TTC23: variants seen among roughly 807,000 people sequenced by gnomAD.
TTC23 encodes tetratricopeptide repeat domain 23.
Under a neutral mutation model 55.1 loss-of-function variants are expected in TTC23, and 58 were observed. The ratio of observed to expected loss-of-function variants is 1.05; its 90% CI spans 0.85 to 1.31. TTC23 has a LOEUF of 1.31. TTC23 is among the 50% of genes most tolerant of loss of function. TTC23 has a pLI of 0.00. For missense variants in TTC23, 516 were observed against 534.4 expected, an observed-to-expected ratio of 0.97 and a Z score of 0.34; for synonymous variants, 203 against 199.9, an observed-to-expected ratio of 1.02 and a Z score of -0.13.
intron 8 of TTC23, among the ~76,000 whole-genome samples, chr15:99,202,084 CAA>C (rs1289501574): frequency 1.3e-5 from 2 of 152,160 alleles, no homozygotes; most frequent in Non-Finnish European, 1.5e-5. Flanking sequence ...TGAAATATGA[CAA>C]GAGTTCATTG....
chr15:99,151,972 A>G lies in TTC23; in HGVS notation c.1143+4176T>C, dbSNP rs536915953. Among the ~76,000 whole-genome samples, 5 of 152,256 alleles carry G rather than the reference A, an allele frequency of 3.3e-5. No individual in the cohort carries two copies. The East Asian group carries it at 7.7e-4, about 24-fold the overall frequency. On this transcript the variant is annotated intron_variant, in intron 12 of 13. Coordinates refer to ENST00000394132, the MANE Select transcript of TTC23 (RefSeq NM_001288615.3). ...ATAAAATACAGAGTACAGGTACCCA[A>G]GTGATATAGTTTGTATATTTGTCCC...
At chr15:99,165,375 A>G (rs2071930675) in intron 10 of TTC23, among the ~76,000 whole-genome samples, 1 of 152,246 alleles carries the variant, frequency 6.6e-6, no homozygotes, top group Non-Finnish European at 1.5e-5. Context: ...ATCTAATTAC[A>G]TTCCATAGGA....
intron 12 of TTC23, among the ~76,000 whole-genome samples, chr15:99,150,447 G>C (rs1465727481): frequency 6.6e-6 from 1 of 152,204 alleles, no homozygotes; most frequent in Non-Finnish European, 1.5e-5. Flanking sequence ...TATTGTAGAC[G>C]TAATAGTCCA....
intron 12 of TTC23, chr15:99,140,195 T>C (rs1278741181): frequency 2.5e-5 from 4 of 157,164 alleles, no homozygotes; most frequent in Admixed American, 1.8e-4. Flanking sequence ...CCTTGCGGGA[T>C]TGGTGAGGAA....
At chr15:99,208,718 ATTACT>A (rs2076815484) in intron 8 of TTC23, among the ~76,000 whole-genome samples, 1 of 140,688 alleles carries the variant, frequency 7.1e-6, no homozygotes, top group Non-Finnish European at 1.5e-5. Context: ...AGAAAATAAA[ATTACT>A]TTAGTTTTAT....
intron 5 of TTC23, among the ~76,000 whole-genome samples, chr15:99,226,109 G>GT: frequency 6.6e-6 from 1 of 152,264 alleles, no homozygotes. Flanking sequence ...TTAAGCAATT[G>GT]TTTCAGATTA....
At chr15:99,185,392 G>T (rs1390951654) in intron 9 of TTC23, among the ~76,000 whole-genome samples, 1 of 152,176 alleles carries the variant, frequency 6.6e-6, no homozygotes, top group East Asian at 1.9e-4. Context: ...CCTGACCAAG[G>T]CCAGTAAGTT....
chr15:99,184,446 G>C (rs1018795979), intron 9 of TTC23, among the ~76,000 whole-genome samples: 1 of 152,246 alleles, frequency 6.6e-6, no homozygotes, highest in Admixed American at 6.5e-5. Context: ...TCTTACATCA[G>C]CATGACCTGG....
chr15:99,209,908 G>A (rs2076909430), intron 8 of TTC23, among the ~76,000 whole-genome samples: 2 of 152,054 alleles, frequency 1.3e-5, no homozygotes, highest in East Asian at 1.9e-4. Context: ...CTAATTTTTT[G>A]TATTTGTAAT....
intron 13 of TTC23, 112 bp from the exon 14 acceptor site, chr15:99,138,239 G>A: frequency 1.5e-6 from 2 of 1,298,946 alleles, no homozygotes; most frequent in East Asian, 2.4e-5. Context: ...AGAAGACTTG[G>A]TAGGGGCTAT....
upstream of TTC23, among the ~76,000 whole-genome samples, chr15:99,250,643 T>A (rs1433577614): frequency 2.0e-5 from 3 of 152,236 alleles, no homozygotes; most frequent in African/African-American, 7.2e-5. Context: ...AAAGCCCTCT[T>A]TCATGCTATT....
chr15:99,243,924 G>A (rs978424183), intron 2 of TTC23, among the ~76,000 whole-genome samples: 2 of 152,070 alleles, frequency 1.3e-5, no homozygotes, highest in African/African-American at 4.8e-5. Context: ...ACAACAGGGT[G>A]ACTACAGTCA....
rs1249237529 is a variant in TTC23, at chr15:99,228,739, T to A, written c.-20-7A>T. On this transcript the variant is annotated splice_region_variant and splice_polypyrimidine_tract_variant and intron_variant, in intron 4 of 13. Coordinates refer to ENST00000394132, the MANE Select transcript of TTC23 (RefSeq NM_001288615.3). ...TTTTTATATACATTGTCTTCTAATTTTAAAATAAAAAACAAAGATGTTAAA... is the reference window on the plus strand; with the variant it reads ...TTTTTATATACATTGTCTTCTAATTATAAAATAAAAAACAAAGATGTTAAA... 6.5e-7 allele frequency: 1 copy of A among 1,531,014 alleles called. No homozygotes were observed. Among genetic ancestry groups the A allele is most frequent in the Admixed American group, 2.1e-5 (1 of 46,860 alleles). The allele number at this position is 1,531,014 out of a possible 1,614,324, so 94.8% of individuals were successfully genotyped here. A position where few individuals can be genotyped will look rare whatever the true frequency, so the allele number is the denominator to read the frequency against.
At chr15:99,247,977 T>C (rs555704486) in intron 1 of TTC23, among the ~76,000 whole-genome samples, 1 of 152,292 alleles carries the variant, frequency 6.6e-6, no homozygotes, top group East Asian at 1.9e-4. Flanking sequence ...CAACGCAGTT[T>C]TATGTGTAAT....
chr15:99,153,386 G>A (rs1218024747), intron 12 of TTC23, among the ~76,000 whole-genome samples: 1 of 152,144 alleles, frequency 6.6e-6, no homozygotes, highest in African/African-American at 2.4e-5. Context: ...TAGCAGATAC[G>A]TGTCATCTCA....
At chr15:99,153,745 C>G (rs532563545) in intron 12 of TTC23, among the ~76,000 whole-genome samples, 97 of 151,816 alleles carry the variant, frequency 6.4e-4, no homozygotes, top group Non-Finnish European at 1.2e-3. Context: ...GGTACAAGGA[C>G]AGAAATAATA....
chr15:99,238,345 G>A (rs922591449), intron 3 of TTC23, among the ~76,000 whole-genome samples: 4 of 152,036 alleles, frequency 2.6e-5, no homozygotes, highest in African/African-American at 4.8e-5. Flanking sequence ...AATGTATTAC[G>A]CAGAAAACAA....
chr15:99,202,225 T>C (rs953658978), intron 8 of TTC23, among the ~76,000 whole-genome samples: 1 of 152,158 alleles, frequency 6.6e-6, no homozygotes, highest in African/African-American at 2.4e-5. Context: ...ATTTCAGATT[T>C]TTTTCCACCT....
intron 9 of TTC23, among the ~76,000 whole-genome samples, chr15:99,185,379 A>C (rs1463653573): frequency 1.3e-5 from 2 of 152,200 alleles, no homozygotes; most frequent in Non-Finnish European, 2.9e-5. Context: ...CCATCACCCC[A>C]GGCCTGACCA....
Sources: gnomAD v4.1 joint callset for allele counts (sites outside exome capture counted in the v4.1 genomes callset) on GRCh38, gnomAD v4.1.1 for gene constraint, MANE v1.5 for transcripts, NCBI Gene and HGNC (gene_info 2026-07-23, HGNC 2026-07-21) for gene names.